FHOD3: variants seen among roughly 807,000 people sequenced by gnomAD.
The protein encoded by FHOD3 is FH1/FH2 domain-containing protein 3.
In FHOD3, 90 loss-of-function variants were observed where a neutral mutation model predicts 173.0. The ratio of observed to expected loss-of-function variants is 0.52; its 90% CI spans 0.44 to 0.62. FHOD3 has a LOEUF of 0.62. Among genes scored for constraint, FHOD3 ranks in the 20% least tolerant of loss-of-function variants. FHOD3 has a pLI of 0.00. For missense variants in FHOD3, 1,945 were observed against 2,034.7 expected (o/e 0.96, Z 0.85); for synonymous variants, 828 against 823.0 (o/e 1.01, Z -0.10).
intron 20 of FHOD3, among the ~76,000 whole-genome samples, chr18:36,734,061 G>A (rs9965431): frequency 0.04 from 6,063 of 152,156 alleles, 419 homozygotes; most frequent in African/African-American, 0.14. Flanking sequence ...ATGCAGCAGC[G>A]CAGCCCTCTT....
At chr18:36,721,203 C>T (rs763733040) in intron 19 of FHOD3, among the ~76,000 whole-genome samples, 18 of 152,094 alleles carry the variant, frequency 1.2e-4, no homozygotes, top group Admixed American at 3.3e-4. Context: ...GTATATTGGA[C>T]GAAAAGTTTA....
At chr18:36,515,195 A>G (rs1283554771) in intron 5 of FHOD3, among the ~76,000 whole-genome samples, 1 of 152,166 alleles carries the variant, frequency 6.6e-6, no homozygotes, top group East Asian at 1.9e-4. Flanking sequence ...AATATTTACC[A>G]TGAAGCTTAC....
At chr18:36,675,787 A>G (rs145479719) in intron 14 of FHOD3, among the ~76,000 whole-genome samples, 29 of 152,280 alleles carry the variant, frequency 1.9e-4, no homozygotes, top group Middle Eastern at 6.8e-3. Context: ...AGGCTCTTCT[A>G]TGTGCCAGGG....
At chr18:36,433,718 A>G (rs957086333) in intron 3 of FHOD3, among the ~76,000 whole-genome samples, 8 of 152,210 alleles carry the variant, frequency 5.3e-5, no homozygotes, top group African/African-American at 1.9e-4. Flanking sequence ...TTTTGACCAA[A>G]ATATAGGACA....
chr18:36,665,404 T>C (rs568678344), intron 14 of FHOD3, among the ~76,000 whole-genome samples: 4 of 152,318 alleles, frequency 2.6e-5, no homozygotes, highest in South Asian at 4.1e-4. Context: ...GAGTTTCCAC[T>C]GCAGTGAATG....
Position 36,730,987 on chromosome 18 carries a change from A to C in FHOD3, c.3576+183A>C, listed in dbSNP as rs149808312. Reference sequence around the variant, plus strand: ...GAGGGGGAGTCTCACTTTGCCTATGAAGTTCAGCAATCTTCACTCAGGTTC... The same window carrying C: ...GAGGGGGAGTCTCACTTTGCCTATGCAGTTCAGCAATCTTCACTCAGGTTC... On this transcript the variant is annotated intron_variant, in intron 20 of 28. Transcript: ENST00000590592. 6.6e-5 allele frequency among the ~76,000 whole-genome samples: 10 copies of C among 152,250 alleles called. No individual in the cohort carries two copies. In the East Asian group the frequency reaches 1.7e-3, roughly 26 times the overall value.
chr18:36,476,341 A>G (rs888515031), intron 3 of FHOD3, among the ~76,000 whole-genome samples: 2 of 152,206 alleles, frequency 1.3e-5, no homozygotes, highest in African/African-American at 2.4e-5. Flanking sequence ...AGAAGGCAGG[A>G]AGGAATCTCT....
intron 3 of FHOD3, among the ~76,000 whole-genome samples, chr18:36,465,313 GCAAA>G (rs1035309065): frequency 1.3e-5 from 2 of 152,152 alleles, no homozygotes; most frequent in African/African-American, 2.4e-5. Flanking sequence ...GGGTGACAGA[GCAAA>G]CAAACAAACA....
intron 8 of FHOD3, among the ~76,000 whole-genome samples, chr18:36,605,678 G>C (rs73431689): frequency 1.3e-5 from 2 of 152,050 alleles, no homozygotes; most frequent in Non-Finnish European, 2.9e-5. Flanking sequence ...GCATAAATGC[G>C]TTAAACAAGT....
At chr18:36,662,717 A>G (rs946664612) in intron 14 of FHOD3, among the ~76,000 whole-genome samples, 2 of 151,186 alleles carry the variant, frequency 1.3e-5, no homozygotes, top group Admixed American at 6.6e-5. Flanking sequence ...TGTAGTAAGA[A>G]TACTTAACAT....
At chr18:36,315,457 C>T (rs1313228394) in intron 1 of FHOD3, among the ~76,000 whole-genome samples, 1 of 152,050 alleles carries the variant, frequency 6.6e-6, no homozygotes, top group African/African-American at 2.4e-5. Context: ...TCTTGATTCT[C>T]TTATTCCACC....
intron 7 of FHOD3, 26 bp downstream of exon 7, chr18:36,594,924 C>T (rs755925572): frequency 6.7e-7 from 1 of 1,483,758 alleles, no homozygotes; most frequent in Non-Finnish European, 9.4e-7. Flanking sequence ...CCCCTTATGT[C>T]ATGAAGGTGA....
intron 8 of FHOD3, among the ~76,000 whole-genome samples, chr18:36,603,515 A>G (rs761016336): frequency 2.7e-4 from 41 of 151,322 alleles, no homozygotes; most frequent in Non-Finnish European, 4.7e-4. Context: ...TATTATTATT[A>G]TTATTTGAGG....
At chr18:36,753,791 A>T (rs568785080) in intron 24 of FHOD3, among the ~76,000 whole-genome samples, 1 of 152,166 alleles carries the variant, frequency 6.6e-6, no homozygotes, top group East Asian at 1.9e-4. Flanking sequence ...TCTGATGTGT[A>T]TTCCTTAGTG....
intron 3 of FHOD3, among the ~76,000 whole-genome samples, chr18:36,437,897 C>T (rs1568271243): frequency 6.6e-6 from 1 of 152,012 alleles, no homozygotes; most frequent in Non-Finnish European, 1.5e-5. Flanking sequence ...CTCCTGACCT[C>T]GTGATCCATC....
chr18:36,600,871 C>T (rs987216330), intron 7 of FHOD3, among the ~76,000 whole-genome samples: 1 of 152,228 alleles, frequency 6.6e-6, no homozygotes, highest in Non-Finnish European at 1.5e-5. Flanking sequence ...ACTTTCTCCC[C>T]TGCACATTCT....
intron 27 of FHOD3, among the ~76,000 whole-genome samples, chr18:36,761,155 T>G (rs1477081563): frequency 1.3e-5 from 2 of 152,174 alleles, no homozygotes; most frequent in Non-Finnish European, 2.9e-5. Flanking sequence ...GTGGCTACTT[T>G]GGCAGAGTTG....
At chr18:36,690,482 C>A (rs901436695) in intron 16 of FHOD3, among the ~76,000 whole-genome samples, 7 of 152,020 alleles carry the variant, frequency 4.6e-5, no homozygotes, top group African/African-American at 1.7e-4. Context: ...ACTATTGGGC[C>A]CCATAGCACT....
At chr18:36,701,066 C>G (rs990492946) in intron 17 of FHOD3, among the ~76,000 whole-genome samples, 2 of 152,222 alleles carry the variant, frequency 1.3e-5, no homozygotes, top group African/African-American at 4.8e-5. Context: ...CGTGCCTGTG[C>G]CCACCTTTGT....
Sources: gnomAD v4.1 joint callset for allele counts (sites outside exome capture counted in the v4.1 genomes callset) on GRCh38, gnomAD v4.1.1 for gene constraint, MANE v1.5 for transcripts, NCBI Gene and HGNC (gene_info 2026-07-23, HGNC 2026-07-21) for gene names.